Variants in WDR7 observed in about 807,000 individuals in gnomAD.
The protein encoded by WDR7 is WD repeat-containing protein 7.
A neutral mutation model predicts 169.4 loss-of-function variants in WDR7; 46 were observed. The ratio of observed to expected loss-of-function variants is 0.27; its 90% CI spans 0.21 to 0.35. The LOEUF is 0.35. Ranked by LOEUF, WDR7 falls within the 10% of genes least tolerant of loss-of-function variation. The pLI, the probability that WDR7 is intolerant of heterozygous loss-of-function variation, is 1.00. For synonymous variants in WDR7, 612 were observed against 666.8 expected (o/e 0.92, Z 1.27); for missense variants, 1,534 against 1,859.3 (o/e 0.83, Z 3.22).
chr18:56,875,636 C>T (rs1369362186), intron 20 of WDR7, among the ~76,000 whole-genome samples: 1 of 152,174 alleles, frequency 6.6e-6, no homozygotes, highest in African/African-American at 2.4e-5. Flanking sequence ...TAGAAATCCA[C>T]AGACTCCTTC....
At chr18:56,777,758 A>G (rs1284871808) in intron 17 of WDR7, among the ~76,000 whole-genome samples, 1 of 152,236 alleles carries the variant, frequency 6.6e-6, no homozygotes, top group Non-Finnish European at 1.5e-5. Context: ...GTGGCCATAA[A>G]GTACAGAGCC....
chr18:56,797,710 A>G (rs2044608081), intron 19 of WDR7, among the ~76,000 whole-genome samples: 1 of 152,036 alleles, frequency 6.6e-6, no homozygotes, highest in Admixed American at 6.6e-5. Flanking sequence ...CAAAGAAACA[A>G]CCCCATCTTG....
At chr18:57,025,848 C>T (rs1448101427) in intron 27 of WDR7, among the ~76,000 whole-genome samples, 2 of 152,150 alleles carry the variant, frequency 1.3e-5, no homozygotes, top group African/African-American at 2.4e-5. Context: ...TCAGTGATAA[C>T]GCATCTTAAA....
intron 20 of WDR7, among the ~76,000 whole-genome samples, chr18:56,833,815 T>G (rs956122739): frequency 6.6e-6 from 1 of 152,210 alleles, no homozygotes; most frequent in African/African-American, 2.4e-5. Context: ...ACATAAAGGT[T>G]ACCGAACTTT....
intron 21 of WDR7, among the ~76,000 whole-genome samples, chr18:56,921,608 C>T (rs929044810): frequency 3.3e-5 from 5 of 152,148 alleles, no homozygotes; most frequent in Non-Finnish European, 7.3e-5. Flanking sequence ...GACAGAGGAG[C>T]AGCAGGCACT....
At chr18:56,735,756 ACTTTG>A (rs1484607805) in intron 14 of WDR7, among the ~76,000 whole-genome samples, 1 of 152,196 alleles carries the variant, frequency 6.6e-6, no homozygotes, top group African/African-American at 2.4e-5. Flanking sequence ...CAGTGACTTA[ACTTTG>A]CTTTATAGTG....
chr18:56,887,647 A>G (rs1280939238), intron 21 of WDR7, among the ~76,000 whole-genome samples: 1 of 151,984 alleles, frequency 6.6e-6, no homozygotes, highest in African/African-American at 2.4e-5. Context: ...ATTTGCTTTT[A>G]ACTTTTATCC....
At chr18:56,750,169 T>C (rs1457695665) in intron 14 of WDR7, among the ~76,000 whole-genome samples, 1 of 152,192 alleles carries the variant, frequency 6.6e-6, no homozygotes, top group Non-Finnish European at 1.5e-5. Flanking sequence ...ACAGGTTCAC[T>C]TTCAGCAATG....
At chr18:56,905,692 ACCT>A (rs537101612) in intron 21 of WDR7, among the ~76,000 whole-genome samples, 211 of 151,644 alleles carry the variant, frequency 1.4e-3, no homozygotes, top group African/African-American at 4.9e-3. Context: ...ATGTGAAAAC[ACCT>A]CCACTTACAG....
intron 22 of WDR7, among the ~76,000 whole-genome samples, chr18:56,931,263 T>A (rs570013602): frequency 6.6e-6 from 1 of 152,288 alleles, no homozygotes; most frequent in Admixed American, 6.5e-5. Context: ...CAGAATAAGG[T>A]TGACACTCCT....
chr18:56,898,132 G>C (rs1015162846), intron 21 of WDR7, among the ~76,000 whole-genome samples: 2 of 151,978 alleles, frequency 1.3e-5, no homozygotes, highest in African/African-American at 4.8e-5. Context: ...CACGTCAAAA[G>C]GACATGGGAC....
At chr18:56,988,692 T>C (rs1599223346) in intron 26 of WDR7, among the ~76,000 whole-genome samples, 2 of 150,748 alleles carry the variant, frequency 1.3e-5, no homozygotes, top group East Asian at 2.0e-4. Flanking sequence ...TAAAAAAAAT[T>C]GGGCATTCTT....
chr18:57,025,037 C>G (rs2048347733), intron 27 of WDR7, among the ~76,000 whole-genome samples: 1 of 152,174 alleles, frequency 6.6e-6, no homozygotes, highest in East Asian at 1.9e-4. Flanking sequence ...ATGGCCTTTT[C>G]TAAAATCTTT....
At chr18:56,936,580 G>A (rs937984956) in intron 23 of WDR7, among the ~76,000 whole-genome samples, 2 of 152,164 alleles carry the variant, frequency 1.3e-5, no homozygotes, top group Non-Finnish European at 2.9e-5. Flanking sequence ...CTCTGTCTGA[G>A]TTGTTTTTCC....
intron 21 of WDR7, among the ~76,000 whole-genome samples, chr18:56,905,898 A>G (rs1258353906): frequency 1.3e-5 from 2 of 152,208 alleles, no homozygotes; most frequent in Non-Finnish European, 2.9e-5. Flanking sequence ...GAATGATGCT[A>G]GGGAATTAAC....
chr18:56,655,343 A>G (rs938121594), intron 1 of WDR7, among the ~76,000 whole-genome samples: 2 of 152,150 alleles, frequency 1.3e-5, no homozygotes, highest in African/African-American at 4.8e-5. Flanking sequence ...ATACAGAGCT[A>G]GGCTGATGTG....
intron 20 of WDR7, among the ~76,000 whole-genome samples, chr18:56,842,370 C>G (rs1426005994): frequency 6.6e-6 from 1 of 152,078 alleles, no homozygotes; most frequent in East Asian, 1.9e-4. Context: ...CAGGAACCAA[C>G]TCTCAATAAC....
chr18:56,656,702 C>T (rs1255116033), intron 1 of WDR7, among the ~76,000 whole-genome samples: 1 of 151,888 alleles, frequency 6.6e-6, no homozygotes, highest in Non-Finnish European at 1.5e-5. Flanking sequence ...TCATCTTTGC[C>T]CATTTTCAAA....
At chr18:56,833,790 A>T (rs1299468088) in intron 20 of WDR7, among the ~76,000 whole-genome samples, 1 of 152,206 alleles carries the variant, frequency 6.6e-6, no homozygotes, top group Non-Finnish European at 1.5e-5. Context: ...AGAATCCTTC[A>T]TACCACATCA....
Sources: allele counts gnomAD v4.1 joint callset (sites outside exome capture counted in the v4.1 genomes callset), GRCh38; gene constraint gnomAD v4.1.1; transcripts MANE v1.5; gene names NCBI Gene and HGNC (gene_info 2026-07-23, HGNC 2026-07-21).